Variants in EIF4E3 observed in about 807,000 individuals in gnomAD.
EIF4E3 encodes eukaryotic translation initiation factor 4E family member 3, also known as eukaryotic translation initiation factor 4E type 3.
In EIF4E3, 26 loss-of-function variants were observed where a neutral mutation model predicts 31.7. That is an observed-to-expected ratio of 0.82 (90% CI 0.60 to 1.14). The LOEUF (loss-of-function observed/expected upper bound fraction) is 1.14, where lower values mean the gene tolerates loss of function less well. Ranked by LOEUF, EIF4E3 falls within the 50% of genes most tolerant of loss-of-function variation. EIF4E3 has a pLI of 0.00. For missense variants in EIF4E3, 304 were observed against 270.9 expected (o/e 1.12, Z -0.86); for synonymous variants, 128 against 107.7 (o/e 1.19, Z -1.17).
chr3:71,714,814 T>C (rs184855150), intron 1 of EIF4E3, among the ~76,000 whole-genome samples: 1 of 152,330 alleles, frequency 6.6e-6, no homozygotes, highest in Admixed American at 6.5e-5. Flanking sequence ...AAGCTGTTCA[T>C]GGCAACACTG....
chr3:71,730,281 C>G (rs191932570), upstream of EIF4E3, among the ~76,000 whole-genome samples: 112 of 152,276 alleles, frequency 7.4e-4, no homozygotes, highest in Middle Eastern at 3.4e-3. Context: ...ATAGGTAAAC[C>G]CTGTGACTCT....
intron 1 of EIF4E3, among the ~76,000 whole-genome samples, chr3:71,718,245 A>G (rs2049494317): frequency 6.6e-6 from 1 of 152,242 alleles, no homozygotes; most frequent in Non-Finnish European, 1.5e-5. Flanking sequence ...ATTTCATTTT[A>G]ATCACTGTTA....
chr3:71,725,460 G>GCGCGCCC (rs1559608359), upstream of EIF4E3: 16 of 696,710 alleles, frequency 2.3e-5, no homozygotes, highest in Middle Eastern at 7.4e-4. This position sits in a 1 kb window ranked among gnomAD's most constrained non-coding sequence, Gnocchi z 6.1. Flanking sequence ...CCCGCCCCGC[G>GCGCGCCC]CGCCCCGCCC....
At chr3:71,670,754 C>G (rs1197518237), downstream of EIF4E3, among the ~76,000 whole-genome samples, 3 of 152,168 alleles carry the variant, frequency 2.0e-5, no homozygotes, top group Non-Finnish European at 4.4e-5. Context: ...CTATCAAGAT[C>G]TATCCATGAG....
At position 71,682,477 on chromosome 3, in the gene EIF4E3, A is replaced by AT. The variant is rs1404541247; in HGVS notation, c.*2204dup. On this transcript the variant is annotated 3_prime_UTR_variant, in exon 7 of 7. Transcript: ENST00000425534. ...AATGAGAGGTTTTTAAACTGATTAA[A>AT]TCAGCTTAGTTCATACAAAGTCTAT... The AT allele has an allele frequency of 6.6e-6, 1 of 152,230 alleles. No homozygotes were observed. Among genetic ancestry groups the AT allele is most frequent in the Non-Finnish European group, 1.5e-5 (1 of 68,044 alleles). The allele number at this position is 152,230 out of a possible 1,614,324, so 9.4% of individuals were successfully genotyped here. A position where few individuals can be genotyped will look rare whatever the true frequency, so the allele number is the denominator to read the frequency against.
Position 71,714,072 on chromosome 3 carries a change from C to T in EIF4E3, c.177-3588G>A, listed in dbSNP as rs929991540. ...CTAAAAATACAAAAAAATAGCTGGA[C>T]GTGGTGGTGTATGCCTGTAATCCCA... On this transcript the variant is annotated intron_variant, in intron 1 of 6. Transcript: ENST00000425534. Among the ~76,000 whole-genome samples, 5 of 151,976 alleles carry T rather than the reference C, an allele frequency of 3.3e-5. No homozygotes were observed. The East Asian group carries it at 7.7e-4, about 24-fold the overall frequency.
intron 1 of EIF4E3, among the ~76,000 whole-genome samples, chr3:71,744,234 G>T (rs1266205302): frequency 2.6e-5 from 4 of 151,956 alleles, no homozygotes; most frequent in Non-Finnish European, 5.9e-5. Context: ...GATGCATAAA[G>T]AACTCCTAAA....
chr3:71,707,727 A>G (rs140675339), intron 2 of EIF4E3, among the ~76,000 whole-genome samples: 3 of 152,138 alleles, frequency 2.0e-5, no homozygotes, highest in African/African-American at 7.2e-5. Flanking sequence ...TTGTACGTAA[A>G]AAGAATGAGA....
chr3:71,697,983 C>T (rs1456017179), intron 3 of EIF4E3, among the ~76,000 whole-genome samples: 1 of 152,188 alleles, frequency 6.6e-6, no homozygotes, highest in Non-Finnish European at 1.5e-5. Flanking sequence ...TTTGAGGAAC[C>T]TCCATACTGT....
At chr3:71,672,312 C>T (rs561623959), downstream of EIF4E3, among the ~76,000 whole-genome samples, 1 of 152,266 alleles carries the variant, frequency 6.6e-6, no homozygotes. Flanking sequence ...ATACTACTTC[C>T]TCTAGGTTCT....
intron 1 of EIF4E3, among the ~76,000 whole-genome samples, chr3:71,714,436 ATTCT>A (rs2108090673): frequency 6.6e-6 from 1 of 152,298 alleles, no homozygotes; most frequent in South Asian, 2.1e-4. Flanking sequence ...GATCTTAAAG[ATTCT>A]TTCCAGCTGA....
At chr3:71,743,895 A>G (rs149353648) in intron 1 of EIF4E3, among the ~76,000 whole-genome samples, 1 of 152,324 alleles carries the variant, frequency 6.6e-6, no homozygotes, top group Non-Finnish European at 1.5e-5. Context: ...CATTAAAAAA[A>G]TGAATTTCAA....
At position 71,725,246 on chromosome 3, in the gene EIF4E3, T is replaced by C. The variant is rs1453577175; in HGVS notation, c.122A>G (p.Gln41Arg). The C allele has an allele frequency of 9.1e-7, 1 of 1,101,654 alleles. No homozygotes were observed. The highest frequency in any genetic ancestry group is 1.1e-6 in the Non-Finnish European group (1 of 902,350). The allele number at this position is 1,101,654 out of a possible 1,614,324, so 68.2% of individuals were successfully genotyped here. The stretch of plus-strand genomic sequence containing the variant: ...CAGCGGGACCCCGCCCGGCTCAGGC[T>C]GCAGCGCCGACAGCTGCTGCAGGCC... The part of the protein sequence containing the change: ...PLGLQQLSAL[Q>R]PEPGGVPLHS... The change falls in exon 1 of 7, where the codon CAG becomes CGG. Residue 41 changes from glutamine (Q) to arginine (R), a missense_variant. Physicochemically the swap from Gln to Arg is conservative, Grantham distance 43. Transcript: ENST00000425534. The surrounding 1 kb of genome is among the most constrained non-coding windows in gnomAD (Gnocchi z 6.1).
downstream of EIF4E3, among the ~76,000 whole-genome samples, chr3:71,674,123 T>G (rs2048860725): frequency 1.8e-5 from 2 of 110,746 alleles, no homozygotes; most frequent in Non-Finnish European, 3.5e-5. Context: ...TTTTTTTTTT[T>G]TGAGACAGCG....
chr3:71,707,318 G>T (rs1248109298), intron 2 of EIF4E3, among the ~76,000 whole-genome samples: 4 of 152,114 alleles, frequency 2.6e-5, no homozygotes, highest in Non-Finnish European at 5.9e-5. Context: ...GTCACATATG[G>T]GACATCAACC....
chr3:71,668,697 A>G, the EIF4E3 span, among the ~76,000 whole-genome samples: 3 of 152,228 alleles, frequency 2.0e-5, no homozygotes, highest in African/African-American at 7.2e-5. Context: ...ACAATGAGAC[A>G]CCATCTCACG....
At chr3:71,754,639 C>T, upstream of EIF4E3, 1 of 1,485,246 alleles carries the variant, frequency 6.7e-7, no homozygotes, top group Non-Finnish European at 8.9e-7. The surrounding 1 kb of genome is among the most constrained non-coding windows in gnomAD (Gnocchi z 5.8). Context: ...GTGGGCGCCA[C>T]GCACCTCGTC....
chr3:71,715,905 C>T (rs1359735708), intron 1 of EIF4E3, among the ~76,000 whole-genome samples: 1 of 152,194 alleles, frequency 6.6e-6, no homozygotes, highest in Non-Finnish European at 1.5e-5. Context: ...TTTTAAGTAG[C>T]AGGTCTGGGT....
chr3:71,681,838 G>C lies in EIF4E3; in HGVS notation c.*2844C>G, dbSNP rs886351902. ...AGACATGGGCTAAACTCAAGAAGAGGGGTGAGAAAGAGTCATCTTAATCTT... is the reference window on the plus strand; with the variant it reads ...AGACATGGGCTAAACTCAAGAAGAGCGGTGAGAAAGAGTCATCTTAATCTT... On this transcript the variant is annotated 3_prime_UTR_variant, in exon 7 of 7. Coordinates refer to ENST00000425534, the MANE Select transcript of EIF4E3 (RefSeq NM_001134651.2). 1 of 152,104 alleles carries C rather than the reference G, an allele frequency of 6.6e-6. No individual in the cohort carries two copies. The highest frequency in any genetic ancestry group is 1.5e-5 in the Non-Finnish European group (1 of 68,026). The allele number at this position is 152,104 out of a possible 1,614,324, so 9.4% of individuals were successfully genotyped here.
Sources: allele counts gnomAD v4.1 joint callset (sites outside exome capture counted in the v4.1 genomes callset), GRCh38; gene constraint gnomAD v4.1.1; non-coding constraint Gnocchi (gnomAD v3.1); transcripts MANE v1.5; gene names NCBI Gene and HGNC (gene_info 2026-07-23, HGNC 2026-07-21).